Variants in NETO2 observed in about 807,000 individuals in gnomAD.
NETO2 encodes the protein neuropilin and tolloid-like protein 2.
NETO2 carries 28 observed loss-of-function variants against 62.5 expected under a neutral mutation model. The ratio of observed to expected loss-of-function variants is 0.45; its 90% CI spans 0.33 to 0.61. The LOEUF (loss-of-function observed/expected upper bound fraction) is 0.61, where lower values mean the gene tolerates loss of function less well. Among genes scored for constraint, NETO2 ranks in the 20% least tolerant of loss-of-function variants. The pLI, the probability that NETO2 is intolerant of heterozygous loss-of-function variation, is 0.02. For missense variants in NETO2, 548 were observed against 643.2 expected, an observed-to-expected ratio of 0.85 and a Z score of 1.60; for synonymous variants, 214 against 219.1, an observed-to-expected ratio of 0.98 and a Z score of 0.21.
At position 47,079,698 on chromosome 16, in the gene NETO2, T is replaced by G. The variant is rs1417999585; in HGVS notation, c.*3523A>C. 6.6e-6 allele frequency: 1 copy of G among 152,268 alleles called. No homozygotes were observed. The highest frequency in any genetic ancestry group is 1.9e-4 in the East Asian group (1 of 5,200). 9.4% of individuals were successfully genotyped at this position (152,268 alleles called of 1,614,324 possible). ...TTCATACACTTGGGCTAGATAGGTC[T>G]TTCTTGGATCTTTAAAACCACCAAA... On this transcript the variant is annotated 3_prime_UTR_variant, in exon 9 of 9. Coordinates refer to ENST00000562435, the MANE Select transcript of NETO2 (RefSeq NM_018092.5).
At chr16:47,119,686 T>G (rs992639015) in intron 6 of NETO2, among the ~76,000 whole-genome samples, 1 of 152,210 alleles carries the variant, frequency 6.6e-6, no homozygotes, top group Admixed American at 6.5e-5. Context: ...TGTACCGCAG[T>G]TTTTTTAAAT....
At position 47,082,898 on chromosome 16, in the gene NETO2, T is replaced by C. The variant is rs1963097199; in HGVS notation, c.*323A>G. On this transcript the variant is annotated 3_prime_UTR_variant, in exon 9 of 9. Transcript: ENST00000562435. ...CTGTTATCAGTCAAGAGCAGTCTTCTTGTTGCTAAAACGAAGAGGCAGCCT... is the reference window on the plus strand; with the variant it reads ...CTGTTATCAGTCAAGAGCAGTCTTCCTGTTGCTAAAACGAAGAGGCAGCCT... 1 of 252,752 alleles carries C rather than the reference T, an allele frequency of 4.0e-6. No individual in the cohort carries two copies. The highest frequency in any genetic ancestry group is 7.5e-6 in the Non-Finnish European group (1 of 133,590). 15.7% of individuals were successfully genotyped at this position (252,752 alleles called of 1,614,324 possible). A position where few individuals can be genotyped will look rare whatever the true frequency, so the allele number is the denominator to read the frequency against.
chr16:47,123,392 GCTA>G (rs1244509135), intron 4 of NETO2, among the ~76,000 whole-genome samples: 1 of 152,110 alleles, frequency 6.6e-6, no homozygotes, highest in African/African-American at 2.4e-5. Context: ...TGTAGTGCCA[GCTA>G]CTTGGGAAGC....
intron 4 of NETO2, among the ~76,000 whole-genome samples, chr16:47,126,849 T>C (rs907977203): frequency 2.6e-5 from 4 of 152,204 alleles, no homozygotes; most frequent in Non-Finnish European, 4.4e-5. Context: ...CTTGGTTGGC[T>C]ATGGAGAATA....
rs372990737 is a variant in NETO2 at position 47,129,382 on chromosome 16, T to C, written c.92-18A>G. 2 of 1,611,940 alleles carry C rather than the reference T, an allele frequency of 1.2e-6. No homozygotes were observed. The highest frequency in any genetic ancestry group is 8.5e-7 in the Non-Finnish European group (1 of 1,179,106). On this transcript the variant is annotated intron_variant, in intron 2 of 8. Coordinates refer to ENST00000562435, the MANE Select transcript of NETO2 (RefSeq NM_018092.5). ...TTGTCCATCTTAGGGAAAAACGGCA[T>C]TTAAAACACTCATTACAGCAAAAGA...
intron 6 of NETO2, among the ~76,000 whole-genome samples, chr16:47,115,472 G>A (rs1451999764): frequency 1.3e-5 from 2 of 151,024 alleles, no homozygotes; most frequent in African/African-American, 4.9e-5. Flanking sequence ...ATTTTAAATG[G>A]TACTGTTTTC....
At chr16:47,100,744 C>G (rs879250577) in intron 7 of NETO2, among the ~76,000 whole-genome samples, 1 of 152,152 alleles carries the variant, frequency 6.6e-6, no homozygotes, top group African/African-American at 2.4e-5. Context: ...CCTCCCAAGA[C>G]TAAACCAGGA....
At chr16:47,099,890 TAGAC>T (rs1407324309) in intron 7 of NETO2, among the ~76,000 whole-genome samples, 1 of 152,146 alleles carries the variant, frequency 6.6e-6, no homozygotes. Flanking sequence ...TTGTCAATAT[TAGAC>T]AGATAACGAG....
In NETO2 at chr16:47,143,919, C is replaced by T. The variant is rs1374015959; in HGVS notation, c.-307G>A. ...CGGGACCGGCAGGCAGCTCCGCCCG[C>T]GGCCCCGGCGCGGGATCCACTGAAG... On this transcript the variant is annotated 5_prime_UTR_variant, in exon 1 of 9. Coordinates refer to ENST00000562435, the MANE Select transcript of NETO2 (RefSeq NM_018092.5). The T allele has an allele frequency of 1.7e-5, 3 of 179,482 alleles. No homozygotes were observed. Among genetic ancestry groups the T allele is most frequent in the African/African-American group, 7.2e-5 (3 of 41,924 alleles). The allele number at this position is 179,482 out of a possible 1,614,324, so 11.1% of individuals were successfully genotyped here.
At chr16:47,133,110 G>A (rs1249701457) in intron 1 of NETO2, among the ~76,000 whole-genome samples, 1 of 152,174 alleles carries the variant, frequency 6.6e-6, no homozygotes, top group Non-Finnish European at 1.5e-5. Flanking sequence ...ACAATACAAG[G>A]TGAAACGGAG....
intron 1 of NETO2, among the ~76,000 whole-genome samples, chr16:47,132,773 C>A (rs947014797): frequency 6.6e-6 from 1 of 152,210 alleles, no homozygotes; most frequent in African/African-American, 2.4e-5. Context: ...TAGGCACTTA[C>A]AGAGTATCCA....
At chr16:47,103,156 T>C (rs1190136815) in intron 7 of NETO2, among the ~76,000 whole-genome samples, 1 of 152,170 alleles carries the variant, frequency 6.6e-6, no homozygotes, top group Non-Finnish European at 1.5e-5. Context: ...TGGATGAAGC[T>C]GGAAATCATC....
intron 1 of NETO2, among the ~76,000 whole-genome samples, 153 bp from the exon 2 acceptor site, chr16:47,132,178 A>G (rs1326552344): frequency 1.3e-5 from 2 of 152,166 alleles, no homozygotes; most frequent in Admixed American, 6.5e-5. Flanking sequence ...ATTAAATGTT[A>G]TGTTCTGATT....
intron 1 of NETO2, among the ~76,000 whole-genome samples, chr16:47,134,205 G>A (rs896897043): frequency 6.6e-6 from 1 of 152,134 alleles, no homozygotes; most frequent in African/African-American, 2.4e-5. Context: ...ATGGTTAAGA[G>A]GTAGCTCTTG....
chr16:47,134,003 A>T (rs1477270746), intron 1 of NETO2, among the ~76,000 whole-genome samples: 1 of 152,196 alleles, frequency 6.6e-6, no homozygotes, highest in Non-Finnish European at 1.5e-5. Context: ...GCAGAGTGGT[A>T]GCAGTGGAAA....
intron 4 of NETO2, among the ~76,000 whole-genome samples, chr16:47,127,230 G>C (rs1188590321): frequency 1.3e-5 from 2 of 152,158 alleles, no homozygotes; most frequent in African/African-American, 4.8e-5. Context: ...GGTGAAGACA[G>C]GAACAATAAC....
intron 6 of NETO2, among the ~76,000 whole-genome samples, chr16:47,117,895 T>A (rs1963954265): frequency 1.3e-5 from 2 of 152,162 alleles, no homozygotes; most frequent in Non-Finnish European, 2.9e-5. Context: ...GAGAACAGCC[T>A]AGGCAACATT....
chr16:47,123,883 G>C (rs530949495), intron 4 of NETO2, among the ~76,000 whole-genome samples: 3 of 152,230 alleles, frequency 2.0e-5, no homozygotes, highest in Admixed American at 2.0e-4. Flanking sequence ...ATTTTTAGTA[G>C]AGGCAGAATT....
intron 7 of NETO2, among the ~76,000 whole-genome samples, chr16:47,089,049 A>G (rs569532411): frequency 1.3e-5 from 2 of 152,350 alleles, no homozygotes; most frequent in East Asian, 3.9e-4. Flanking sequence ...AAAAATCTAT[A>G]GTCATTATGA....
Sources: gnomAD v4.1 joint callset for allele counts (sites outside exome capture counted in the v4.1 genomes callset) on GRCh38, gnomAD v4.1.1 for gene constraint, MANE v1.5 for transcripts, NCBI Gene and HGNC (gene_info 2026-07-23, HGNC 2026-07-21) for gene names.